CMYA5: variants seen among roughly 807,000 people sequenced by gnomAD.
CMYA5 encodes the protein cardiomyopathy-associated protein 5.
A neutral mutation model predicts 318.9 loss-of-function variants in CMYA5; 246 were observed. The ratio of observed to expected loss-of-function variants is 0.77; its 90% CI spans 0.70 to 0.86. The LOEUF is 0.86. CMYA5 is among the 40% of genes least tolerant of loss of function. The pLI is 0.00. For synonymous variants in CMYA5, 1,641 were observed against 1,729.5 expected, an observed-to-expected ratio of 0.95 and a Z score of 1.27; for missense variants, 4,589 against 4,678.2, an observed-to-expected ratio of 0.98 and a Z score of 0.56.
chr5:79,732,330 GCACT>G lies in CMYA5; in HGVS notation c.3571_3574del (p.Thr1191Ter). The G allele has an allele frequency of 6.2e-7, 1 of 1,613,758 alleles. No individual in the cohort carries two copies. The highest frequency in any genetic ancestry group is 1.1e-5 in the South Asian group (1 of 91,032). ...CAAGAAAGAACAGGAACCCACAGCAGCACTCACTCTAAAAGCTGCAGATGAACAG... is the reference window on the plus strand; with the variant it reads ...CAAGAAAGAACAGGAACCCACAGCAGCACTCTAAAAGCTGCAGATGAACAG... On this transcript the variant is annotated frameshift_variant, in exon 2 of 13. Transcript: ENST00000446378. LOFTEE classifies it high-confidence loss of function.
chr5:79,739,307 C>G lies in CMYA5; in HGVS notation c.10542C>G (p.Tyr3514Ter). 1.3e-6 allele frequency: 2 copies of G among 1,599,424 alleles called. No homozygotes were observed. Among genetic ancestry groups the G allele is most frequent in the African/African-American group, 1.3e-5 (1 of 74,768 alleles). The change falls in exon 2 of 13, where the codon TAC (tyrosine) becomes TAG (stop). Residue 3514 changes from tyrosine to a stop codon, truncating the protein, a stop_gained. Coordinates refer to ENST00000446378, the MANE Select transcript of CMYA5 (RefSeq NM_153610.5). LOFTEE classifies it high-confidence loss of function. ...LKKSQIDTYC[Y>*]TCKCPISATD... ...AGTCCCAGATTGACACATACTGTTA[C>G]ACCTGCAAATGTCCAATTTCTGCCA...
At chr5:79,742,406 C>T (rs1030931483) in intron 2 of CMYA5, among the ~76,000 whole-genome samples, 2 of 152,086 alleles carry the variant, frequency 1.3e-5, no homozygotes, top group African/African-American at 4.8e-5. Flanking sequence ...AGTCTGGTCT[C>T]GAAGTCCTGG....
chr5:79,698,130 T>C (rs1048191270), intron 1 of CMYA5, among the ~76,000 whole-genome samples: 1 of 152,172 alleles, frequency 6.6e-6, no homozygotes, highest in African/African-American at 2.4e-5. Flanking sequence ...TTTGGGGTCA[T>C]GAACTTTGAA....
chr5:79,739,730 C>A (rs1580778684), intron 2 of CMYA5, among the ~76,000 whole-genome samples: 1 of 152,174 alleles, frequency 6.6e-6, no homozygotes, highest in East Asian at 1.9e-4. Context: ...CACCTATAAT[C>A]TCAGCACTTT....
In CMYA5 at chr5:79,799,872, A is replaced by AGGCG; in HGVS notation, c.*256_*257insGGCG. 1 of 171,418 alleles carries AGGCG rather than the reference A, an allele frequency of 5.8e-6. No individual in the cohort carries two copies. The highest frequency in any genetic ancestry group is 1.1e-5 in the Non-Finnish European group (1 of 88,592). 10.6% of individuals were successfully genotyped at this position (171,418 alleles called of 1,614,324 possible). A position where few individuals can be genotyped will look rare whatever the true frequency, so the allele number is the denominator to read the frequency against. On this transcript the variant is annotated 3_prime_UTR_variant, in exon 13 of 13. Transcript: ENST00000446378. Reference sequence around the variant, plus strand: ...TAAGTTTGAGTTCTTTCCTAAATTAAAAGATCTACACTTGAGTTGGGAACC... The same window carrying AGGCG: ...TAAGTTTGAGTTCTTTCCTAAATTAAGGCGAAGATCTACACTTGAGTTGGGAACC...
chr5:79,741,896 A>G (rs1424713820), intron 2 of CMYA5, among the ~76,000 whole-genome samples: 2 of 152,130 alleles, frequency 1.3e-5, no homozygotes, highest in Non-Finnish European at 2.9e-5. Context: ...AAACAGTATG[A>G]GAAGGAGAAG....
intron 1 of CMYA5, among the ~76,000 whole-genome samples, chr5:79,704,488 C>A (rs1401324417): frequency 6.6e-6 from 1 of 152,122 alleles, no homozygotes; most frequent in African/African-American, 2.4e-5. Context: ...CAAAGCAAGT[C>A]ATGCCAACAA....
intron 4 of CMYA5, among the ~76,000 whole-genome samples, chr5:79,746,547 TAAAAAAA>T (rs11423461): frequency 2.9e-5 from 2 of 68,914 alleles, no homozygotes. Context: ...GAGCAAACTG[TAAAAAAA>T]AAAAAAAAAA....
intron 1 of CMYA5, among the ~76,000 whole-genome samples, chr5:79,727,547 T>G (rs906832576): frequency 6.6e-6 from 1 of 152,234 alleles, no homozygotes. Flanking sequence ...TGTAGACAGA[T>G]GTAAGCCAGT....
At chr5:79,787,474 T>A (rs114951280) in intron 9 of CMYA5, among the ~76,000 whole-genome samples, 641 of 152,340 alleles carry the variant, frequency 4.2e-3, no homozygotes, top group Middle Eastern at 0.01. Flanking sequence ...AGTCAGAAAT[T>A]ACATTCTCAA....
intron 9 of CMYA5, among the ~76,000 whole-genome samples, chr5:79,772,351 G>T (rs1414919825): frequency 6.6e-6 from 1 of 152,170 alleles, no homozygotes. Flanking sequence ...GAAATAAAGG[G>T]AAGTTGCACA....
chr5:79,743,711 T>A (rs988284147), intron 2 of CMYA5, 116 bp from the exon 3 acceptor site: 7 of 532,552 alleles, frequency 1.3e-5, no homozygotes, highest in Non-Finnish European at 2.3e-5. Context: ...TGTTAGTGGA[T>A]ATAGTATAGT....
intron 1 of CMYA5, among the ~76,000 whole-genome samples, chr5:79,721,191 TA>T (rs941993916): frequency 5.9e-5 from 9 of 152,024 alleles, no homozygotes; most frequent in African/African-American, 1.7e-4. Flanking sequence ...AATGGAATAA[TA>T]AAAAAATTCA....
chr5:79,730,417 T>A lies in CMYA5; in HGVS notation c.1652T>A (p.Met551Lys), dbSNP rs747687553. 1.4e-5 allele frequency: 22 copies of A among 1,613,778 alleles called. No individual in the cohort carries two copies. The Admixed American group carries it at 3.5e-4, about 26-fold the overall frequency. ...LVSEKPFPPHMSPEVEHKEEE... is the reference protein window; with the variant it reads ...LVSEKPFPPHKSPEVEHKEEE... Reference sequence around the variant, plus strand: ...TCCGAGAAGCCCTTCCCACCACATATGTCCCCTGAAGTGGAGCACAAAGAA... The same window carrying A: ...TCCGAGAAGCCCTTCCCACCACATAAGTCCCCTGAAGTGGAGCACAAAGAA... The change falls in exon 2 of 13, where the codon ATG (methionine) becomes AAG (lysine). Residue 551 changes from methionine to lysine, a missense_variant. Physicochemically the swap from Met to Lys is moderately conservative, Grantham distance 95. Transcript: ENST00000446378.
At chr5:79,720,427 AATTTTTTTTTTTTT>A (rs1309771647) in intron 1 of CMYA5, among the ~76,000 whole-genome samples, 1 of 136,806 alleles carries the variant, frequency 7.3e-6, no homozygotes. Context: ...CTGCCAATCT[AATTTTTTTTTTTTT>A]TTTTTTTTTT....
At position 79,736,347 on chromosome 5, in the gene CMYA5, A is replaced by G; in HGVS notation, c.7582A>G (p.Lys2528Glu). 6.2e-7 allele frequency: 1 copy of G among 1,613,568 alleles called. No individual in the cohort carries two copies. The highest frequency in any genetic ancestry group is 8.5e-7 in the Non-Finnish European group (1 of 1,179,716). Residue 2528 changes from lysine to glutamate, a missense_variant, in exon 2 of 13, where the codon AAA becomes GAA. By Grantham distance (56) the Lys-to-Glu change is moderately conservative (BLOSUM62 1). Around this residue, in one of 3 missense-constraint regions of CMYA5, gnomAD observed 2,431 missense variants for 2,495.1 expected, o/e 0.97. Transcript: ENST00000446378. ...AAATGAAGACTACAATGAAAGACCC[A>G]AAATCATTGTTGGTTCTGAAAAGGA... Reference protein sequence around the residue: ...YQNEDYNERPKIIVGSEKEKG... With the variant: ...YQNEDYNERPEIIVGSEKEKG...
chr5:79,747,024 T>G lies in CMYA5; in HGVS notation c.10969-67T>G, dbSNP rs1247968987. On this transcript the variant is annotated intron_variant, in intron 4 of 12. Coordinates refer to ENST00000446378, the MANE Select transcript of CMYA5 (RefSeq NM_153610.5). ...TTTTTTCTTTCTGTTGTTAATTAGC[T>G]TCTCTCTCTCTTTCTCTCTCTCTTT... 38 of 960,254 alleles carry G rather than the reference T, an allele frequency of 4.0e-5. No individual in the cohort carries two copies. In the Admixed American group the frequency reaches 8.9e-4, roughly 22 times the overall value. 59.5% of individuals were successfully genotyped at this position (960,254 alleles called of 1,614,324 possible).
intron 9 of CMYA5, chr5:79,774,342 C>T (rs1828903379): frequency 6.6e-6 from 1 of 152,210 alleles, no homozygotes; most frequent in African/African-American, 2.4e-5. Context: ...AGCTCCTACT[C>T]ACCTTCTTCC....
chr5:79,735,986 A>G lies in CMYA5; in HGVS notation c.7221A>G (p.Pro2407=), dbSNP rs201706135. ...SKNITKESEK[P]ESIILPVEES... ...ATATCACAAAGGAATCAGAGAAACC[A>G]GAGTCAATTATTTTGCCAGTAGAAG... The change falls in exon 2 of 13, where the codon CCA becomes CCG. Residue 2407 remains proline (P), a synonymous_variant. Coordinates refer to ENST00000446378, the MANE Select transcript of CMYA5 (RefSeq NM_153610.5). The G allele has an allele frequency of 3.1e-6, 5 of 1,613,322 alleles. No homozygotes were observed. In the East Asian group the frequency reaches 1.1e-4, roughly 36 times the overall value.
Sources: gnomAD v4.1 joint callset for allele counts (sites outside exome capture counted in the v4.1 genomes callset) on GRCh38, gnomAD v4.1.1 for gene constraint, gnomAD v4.1.1 regional missense constraint, MANE v1.5 for transcripts, NCBI Gene and HGNC (gene_info 2026-07-23, HGNC 2026-07-21) for gene names.